Variants in TAF3 observed in about 807,000 individuals in gnomAD.
TAF3 encodes TATA-box binding protein associated factor 3, also known as transcription initiation factor TFIID subunit 3.
Under a neutral mutation model 80.6 loss-of-function variants are expected in TAF3, and 7 were observed. The observed-to-expected ratio is 0.09, with a 90% CI of 0.05 to 0.16. TAF3 has a LOEUF of 0.16. Ranked by LOEUF, TAF3 falls within the 10% of genes least tolerant of loss-of-function variation. TAF3 has a pLI of 1.00. For missense variants in TAF3, 921 were observed against 1,140.2 expected (o/e 0.81, Z 2.77); for synonymous variants, 444 against 446.1 (o/e 1.00, Z 0.06).
At chr10:7,949,865 A>G (rs1385531537) in intron 2 of TAF3, among the ~76,000 whole-genome samples, 1 of 152,236 alleles carries the variant, frequency 6.6e-6, no homozygotes, top group Non-Finnish European at 1.5e-5. Flanking sequence ...GTAACAGTCA[A>G]GTTCACCCAT....
chr10:7,890,648 A>G (rs931565190), intron 2 of TAF3, among the ~76,000 whole-genome samples: 1 of 152,220 alleles, frequency 6.6e-6, no homozygotes, highest in Non-Finnish European at 1.5e-5. Context: ...ACATTCTAGC[A>G]TATCATCTAT....
At chr10:8,005,263 T>C (rs1355483814) in intron 4 of TAF3, among the ~76,000 whole-genome samples, 2 of 152,258 alleles carry the variant, frequency 1.3e-5, no homozygotes, top group Non-Finnish European at 2.9e-5. Flanking sequence ...TTTTCCCTGA[T>C]CCCACCTTAC....
chr10:7,871,986 C>G (rs1837270747), intron 2 of TAF3, among the ~76,000 whole-genome samples: 1 of 152,086 alleles, frequency 6.6e-6, no homozygotes, highest in Non-Finnish European at 1.5e-5. Context: ...TATTTCAAAA[C>G]TATAAATTTA....
chr10:7,904,179 T>C (rs1011273625), intron 2 of TAF3, among the ~76,000 whole-genome samples: 1 of 151,686 alleles, frequency 6.6e-6, no homozygotes, highest in East Asian at 1.9e-4. Context: ...CATAGTGGGG[T>C]TGGGACACGC....
At chr10:8,005,752 A>G (rs1045987789) in intron 4 of TAF3, among the ~76,000 whole-genome samples, 2 of 152,238 alleles carry the variant, frequency 1.3e-5, no homozygotes, top group Non-Finnish European at 2.9e-5. Flanking sequence ...TAGTCTAACC[A>G]TAAAAATAGA....
chr10:7,848,035 G>C (rs1836989423), intron 2 of TAF3, among the ~76,000 whole-genome samples: 1 of 152,188 alleles, frequency 6.6e-6, no homozygotes, highest in African/African-American at 2.4e-5. Context: ...TTCCCAAAGT[G>C]CTGGGATTAC....
chr10:7,893,985 G>A (rs1837482312), intron 2 of TAF3, among the ~76,000 whole-genome samples: 2 of 152,090 alleles, frequency 1.3e-5, no homozygotes, highest in Non-Finnish European at 2.9e-5. Context: ...CGCCAGCAGA[G>A]TAGGTACAAA....
At chr10:7,861,967 T>C (rs1837152807) in intron 2 of TAF3, among the ~76,000 whole-genome samples, 1 of 152,226 alleles carries the variant, frequency 6.6e-6, no homozygotes, top group Admixed American at 6.5e-5. Context: ...GAGTCACTGA[T>C]GTTCTGCTCA....
At chr10:7,862,634 C>T (rs546378936) in intron 2 of TAF3, among the ~76,000 whole-genome samples, 1 of 152,176 alleles carries the variant, frequency 6.6e-6, no homozygotes, top group Admixed American at 6.5e-5. Flanking sequence ...ATATCCATCA[C>T]CCTGAAAAGT....
At chr10:8,005,190 A>G (rs980533668) in intron 4 of TAF3, among the ~76,000 whole-genome samples, 5 of 152,190 alleles carry the variant, frequency 3.3e-5, no homozygotes, top group African/African-American at 7.2e-5. Flanking sequence ...AAGTTGTTTT[A>G]TAGTTGATAA....
At chr10:7,956,099 T>C (rs952073939) in intron 2 of TAF3, among the ~76,000 whole-genome samples, 1 of 152,346 alleles carries the variant, frequency 6.6e-6, no homozygotes, top group South Asian at 2.1e-4. Flanking sequence ...AGTTATATAA[T>C]ACATATGTTA....
chr10:7,890,984 T>C (rs952939092), intron 2 of TAF3, among the ~76,000 whole-genome samples: 1 of 152,250 alleles, frequency 6.6e-6, no homozygotes, highest in Non-Finnish European at 1.5e-5. Flanking sequence ...TTGCTAAGCA[T>C]GTAGCTGAAC....
At chr10:7,853,190 A>G (rs2131127473) in intron 2 of TAF3, among the ~76,000 whole-genome samples, 1 of 152,306 alleles carries the variant, frequency 6.6e-6, no homozygotes, top group East Asian at 1.9e-4. Flanking sequence ...CTTATAATTA[A>G]ATAAATTATA....
chr10:7,930,178 A>G (rs753144792), intron 2 of TAF3, among the ~76,000 whole-genome samples: 9 of 152,228 alleles, frequency 5.9e-5, no homozygotes, highest in Non-Finnish European at 1.2e-4. Flanking sequence ...CAACCTGGCA[A>G]CAGAGTAGCA....
chr10:7,848,921 T>C (rs1836999204), intron 2 of TAF3, among the ~76,000 whole-genome samples: 1 of 152,224 alleles, frequency 6.6e-6, no homozygotes, highest in Admixed American at 6.5e-5. Context: ...AGTAAACATA[T>C]GTTTATAGTT....
At chr10:7,925,914 A>C (rs764470909) in intron 2 of TAF3, among the ~76,000 whole-genome samples, 12 of 151,780 alleles carry the variant, frequency 7.9e-5, no homozygotes, top group Non-Finnish European at 1.6e-4. Context: ...GATTGTAATA[A>C]TCTCTTAAGA....
At position 7,824,465 on chromosome 10, in the gene TAF3, A is replaced by G; in HGVS notation, c.314A>G (p.Asn105Ser). Residue 105 changes from asparagine (N) to serine (S), a missense_variant, in exon 2 of 7, where the codon AAT becomes AGT. Physicochemically the swap from Asn to Ser is conservative, Grantham distance 46 (BLOSUM62 1). Coordinates refer to ENST00000344293, the MANE Select transcript of TAF3 (RefSeq NM_031923.4). ...CCGTCATTTCCTGTTAGCAAGAACA[A>G]TGTACTTCAGTTTCCTCAACCTGGA... ...QIPSFPVSKN[N>S]VLQFPQPGSK... The G allele has an allele frequency of 6.2e-7, 1 of 1,614,190 alleles. No homozygotes were observed. The highest frequency in any genetic ancestry group is 8.5e-7 in the Non-Finnish European group (1 of 1,180,028).
Position 7,964,880 on chromosome 10 carries a change from C to A in TAF3, c.1370C>A (p.Thr457Asn). ...ACTCCTCTGCCTCTTTCCGGTGGAACCTCAAGTTCCGATAACTCATGGACA... is the reference window on the plus strand; with the variant it reads ...ACTCCTCTGCCTCTTTCCGGTGGAAACTCAAGTTCCGATAACTCATGGACA... ...GSTPLPLSGGTSSSDNSWTMD... is the reference protein window; with the variant it reads ...GSTPLPLSGGNSSSDNSWTMD... Residue 457 changes from threonine (T) to asparagine (N), a missense_variant, in exon 3 of 7, where the codon ACC becomes AAC. By Grantham distance (65) the Thr-to-Asn change is moderately conservative. This residue lies in a region of TAF3 where 743 missense variants were observed against 821.0 expected (regional missense o/e 0.90). Transcript: ENST00000344293. This position sits in a 1 kb window ranked among gnomAD's most constrained non-coding sequence, Gnocchi z 4.1. 1 of 1,614,172 alleles carries A rather than the reference C, an allele frequency of 6.2e-7. No homozygotes were observed. The highest frequency in any genetic ancestry group is 1.1e-5 in the South Asian group (1 of 91,084).
chr10:7,973,854 G>A (rs983734275), intron 3 of TAF3, among the ~76,000 whole-genome samples: 1 of 152,108 alleles, frequency 6.6e-6, no homozygotes, highest in African/African-American at 2.4e-5. Context: ...AGACAGCCAG[G>A]CACGGTGGCT....
Sources: gnomAD v4.1 joint callset for allele counts (sites outside exome capture counted in the v4.1 genomes callset) on GRCh38, gnomAD v4.1.1 for gene constraint, gnomAD v4.1.1 regional missense constraint, Gnocchi (gnomAD v3.1) non-coding constraint, MANE v1.5 for transcripts, NCBI Gene and HGNC (gene_info 2026-07-23, HGNC 2026-07-21) for gene names.